Variants in TOR1AIP1 observed in about 807,000 individuals in gnomAD.
TOR1AIP1 encodes torsin 1A interacting protein 1, also known as torsin-1A-interacting protein 1.
In TOR1AIP1, 54 loss-of-function variants were observed where a neutral mutation model predicts 63.3. The observed-to-expected ratio is 0.85, with a 90% CI of 0.69 to 1.07. The LOEUF is 1.07. Among genes scored for constraint, TOR1AIP1 ranks in the 50% least tolerant of loss-of-function variants. The pLI, the probability that TOR1AIP1 is intolerant of heterozygous loss-of-function variation, is 0.00. For missense variants in TOR1AIP1, 736 were observed against 715.0 expected (o/e 1.03, Z -0.33); for synonymous variants, 294 against 273.5 (o/e 1.07, Z -0.74).
chr1:179,912,968 T>C (rs1648886098), intron 8 of TOR1AIP1, among the ~76,000 whole-genome samples: 1 of 152,126 alleles, frequency 6.6e-6, no homozygotes, highest in South Asian at 2.1e-4. Flanking sequence ...ACGGCAATAC[T>C]GGTAATATAG....
chr1:179,888,439 A>G (rs1471660609), intron 2 of TOR1AIP1, among the ~76,000 whole-genome samples: 1 of 152,202 alleles, frequency 6.6e-6, no homozygotes, highest in Non-Finnish European at 1.5e-5. Context: ...ATGCCCAGAC[A>G]GGGTCTCAGT....
At chr1:179,887,148 CCAG>C (rs1262256879) in intron 2 of TOR1AIP1, among the ~76,000 whole-genome samples, 1 of 152,164 alleles carries the variant, frequency 6.6e-6, no homozygotes, top group African/African-American at 2.4e-5. Flanking sequence ...GCCTGTAATC[CCAG>C]CACTTTGGGA....
chr1:179,916,730 A>ATC lies in TOR1AIP1; in HGVS notation c.965-714_965-713dup, dbSNP rs1287448316. On this transcript the variant is annotated intron_variant, in intron 9 of 9. Coordinates refer to ENST00000606911, the MANE Select transcript of TOR1AIP1 (RefSeq NM_015602.4). ...TTTTTTTTTTTTTTTTTGAGATGGA[A>ATC]TCTCTCTCTGTCACCCAGGCTGGAG... is the stretch of plus-strand genomic sequence containing the variant. 2.8e-5 allele frequency among the ~76,000 whole-genome samples: 3 copies of ATC among 106,906 alleles called. No homozygotes were observed. In the South Asian group the frequency reaches 9.7e-4, roughly 34 times the overall value. 70.1% of individuals were successfully genotyped at this position (106,906 alleles called of 152,430 possible).
At chr1:179,907,134 A>C (rs962482171) in intron 6 of TOR1AIP1, among the ~76,000 whole-genome samples, 1 of 151,870 alleles carries the variant, frequency 6.6e-6, no homozygotes, top group African/African-American at 2.4e-5. Flanking sequence ...CTGTAATCCC[A>C]GCACTTTGGG....
At chr1:179,900,017 C>T in intron 3 of TOR1AIP1, 109 bp from the exon 4 acceptor site, 1 of 769,464 alleles carries the variant, frequency 1.3e-6, no homozygotes, top group Non-Finnish European at 2.1e-6. Context: ...ACGAGATGCT[C>T]TTTTATTTAT....
intron 3 of TOR1AIP1, among the ~76,000 whole-genome samples, chr1:179,895,435 C>T (rs1648233326): frequency 1.3e-5 from 2 of 151,974 alleles, no homozygotes; most frequent in South Asian, 2.1e-4. Context: ...GGCGAAACCT[C>T]GTCTCTACAA....
chr1:179,889,152 A>T (rs1038293345), intron 2 of TOR1AIP1, among the ~76,000 whole-genome samples, 161 bp from the exon 3 acceptor site: 1 of 152,244 alleles, frequency 6.6e-6, no homozygotes, highest in East Asian at 1.9e-4. Context: ...TATCATCACT[A>T]GTTCGCAACA....
Position 179,917,698 on chromosome 1 carries a change from G to C in TOR1AIP1, c.1211G>C (p.Arg404Pro), listed in dbSNP as rs200052778. The change falls in exon 10 of 10, where the codon CGG (arginine) becomes CCG (proline). Residue 404 changes from arginine to proline, a missense_variant. Physicochemically the swap from Arg to Pro is moderately radical, Grantham distance 103 (BLOSUM62 -2). Around this residue, in one of 2 missense-constraint regions of TOR1AIP1, gnomAD observed 272 missense variants for 344.1 expected, o/e 0.79. Coordinates refer to ENST00000606911, the MANE Select transcript of TOR1AIP1 (RefSeq NM_015602.4). Reference protein sequence around the residue: ...LEKHLNSSHPRSQPAILLLTA... With the variant: ...LEKHLNSSHPPSQPAILLLTA... The stretch of plus-strand genomic sequence containing the variant: ...AAACATCTTAATAGCTCCCATCCTC[G>C]GTCTCAGCCTGCTATCTTACTGCTC... The C allele has an allele frequency of 4.3e-6, 7 of 1,614,026 alleles. No homozygotes were observed. The highest frequency in any genetic ancestry group is 4.5e-5 in the East Asian group (2 of 44,898).
At chr1:179,905,007 A>G (rs998980914) in intron 6 of TOR1AIP1, among the ~76,000 whole-genome samples, 1 of 152,222 alleles carries the variant, frequency 6.6e-6, no homozygotes, top group Non-Finnish European at 1.5e-5. Flanking sequence ...GTTATTAATC[A>G]ACCAAAAATA....
In TOR1AIP1 at chr1:179,884,744, T is replaced by C. The variant is rs772559308; in HGVS notation, c.528T>C (p.Thr176=). The part of the protein sequence containing the change: ...TDLSQTISKK[T]VRSIQEAPVS... The stretch of plus-strand genomic sequence containing the variant: ...TAAGCCAAACGATCTCAAAGAAAAC[T>C]GTCAGGAGCATACAAGAGGCTCCAG... The change falls in exon 2 of 10, where the codon ACT becomes ACC. Residue 176 remains threonine, a synonymous_variant. Coordinates refer to ENST00000606911, the MANE Select transcript of TOR1AIP1 (RefSeq NM_015602.4). The C allele has an allele frequency of 1.9e-6, 3 of 1,612,182 alleles. No homozygotes were observed. The highest frequency in any genetic ancestry group is 2.5e-6 in the Non-Finnish European group (3 of 1,179,390).
intron 6 of TOR1AIP1, among the ~76,000 whole-genome samples, chr1:179,905,429 A>G (rs1471495590): frequency 6.6e-6 from 1 of 152,026 alleles, no homozygotes; most frequent in South Asian, 2.1e-4. Context: ...TTTTAAAATC[A>G]TTGTATTTCT....
intron 6 of TOR1AIP1, among the ~76,000 whole-genome samples, chr1:179,905,817 G>A (rs1189136702): frequency 6.6e-6 from 1 of 152,140 alleles, no homozygotes; most frequent in Non-Finnish European, 1.5e-5. Context: ...ACCACGTATG[G>A]TGATAGGTGC....
At position 179,882,589 on chromosome 1, in the gene TOR1AIP1, G is replaced by C. The variant is rs1571718646; in HGVS notation, c.87G>C (p.Arg29Ser). 1.3e-6 allele frequency: 2 copies of C among 1,524,040 alleles called. No homozygotes were observed. The highest frequency in any genetic ancestry group is 1.8e-6 in the Non-Finnish European group (2 of 1,138,686). 94.4% of individuals were successfully genotyped at this position (1,524,040 alleles called of 1,614,324 possible). ...CCAGGGCCCCCATCCGAGAGGGAAG[G>C]GGCCGGCTCGCCCCTCAAAATGGCG... ...VTPRAPIREG[R>S]GRLAPQNGGS... Residue 29 changes from arginine (R) to serine (S), a missense_variant, in exon 1 of 10, where the codon AGG (arginine) becomes AGC (serine). By Grantham distance (110) the Arg-to-Ser change is moderately radical. Transcript: ENST00000606911.
chr1:179,890,548 G>A (rs781325326), intron 3 of TOR1AIP1, among the ~76,000 whole-genome samples: 1 of 151,984 alleles, frequency 6.6e-6, no homozygotes, highest in South Asian at 2.1e-4. Flanking sequence ...TTGCAGATTC[G>A]ACATACAAAA....
intron 9 of TOR1AIP1, among the ~76,000 whole-genome samples, chr1:179,914,478 A>G (rs1648928507): frequency 6.6e-6 from 1 of 152,232 alleles, no homozygotes; most frequent in East Asian, 1.9e-4. Context: ...TCCAAGTCTT[A>G]TTGTCCTGAA....
intron 4 of TOR1AIP1, among the ~76,000 whole-genome samples, chr1:179,900,943 A>G (rs1475135596): frequency 6.6e-6 from 1 of 152,156 alleles, no homozygotes. Context: ...ACAAATACAC[A>G]TCTGAATTTA....
chr1:179,885,734 A>G (rs961829244), intron 2 of TOR1AIP1, among the ~76,000 whole-genome samples: 2 of 151,986 alleles, frequency 1.3e-5, no homozygotes, highest in South Asian at 4.2e-4. Flanking sequence ...CCTTCATGCT[A>G]ATTTTTTTTT....
At chr1:179,892,738 A>T (rs1335025096) in intron 3 of TOR1AIP1, among the ~76,000 whole-genome samples, 24 of 4,406 alleles carry the variant, frequency 5.4e-3, no homozygotes, top group Non-Finnish European at 0.022. Flanking sequence ...ACTCCGTCTC[A>T]AAAAAAAAAA....
chr1:179,904,649 C>A (rs1648571918), intron 6 of TOR1AIP1: 1 of 151,952 alleles, frequency 6.6e-6, no homozygotes, highest in Admixed American at 6.6e-5. Flanking sequence ...TTTTTTGAGA[C>A]AGGTTTTCAC....
Sources: gnomAD v4.1 joint callset for allele counts (sites outside exome capture counted in the v4.1 genomes callset) on GRCh38, gnomAD v4.1.1 for gene constraint, gnomAD v4.1.1 regional missense constraint, MANE v1.5 for transcripts, NCBI Gene and HGNC (gene_info 2026-07-23, HGNC 2026-07-21) for gene names.